Variants in DAPK1 observed in about 807,000 individuals in gnomAD.
The protein encoded by DAPK1 is death-associated protein kinase 1.
DAPK1 carries 56 observed loss-of-function variants against 144.9 expected under a neutral mutation model. The ratio of observed to expected loss-of-function variants is 0.39; its 90% CI spans 0.31 to 0.48. DAPK1 has a LOEUF of 0.48. Among genes scored for constraint, DAPK1 ranks in the 20% least tolerant of loss-of-function variants. The pLI is 0.95. For synonymous variants in DAPK1, 690 were observed against 749.0 expected, an observed-to-expected ratio of 0.92 and a Z score of 1.29; for missense variants, 1,454 against 1,875.4, an observed-to-expected ratio of 0.78 and a Z score of 4.15.
rs879936030 is a variant in DAPK1 at position 87,584,692 on chromosome 9, T to TGTG, written c.63-20262_63-20261insGTG. Among the ~76,000 whole-genome samples the TGTG allele has an allele frequency of 6.9e-3, 754 of 109,062 alleles. 3 individuals carry two copies. Among genetic ancestry groups the TGTG allele is most frequent in the Middle Eastern group, 0.014 (3 of 208 alleles). 71.5% of individuals were successfully genotyped at this position (109,062 alleles called of 152,430 possible). A position where few individuals can be genotyped will look rare whatever the true frequency, so the allele number is the denominator to read the frequency against. On this transcript the variant is annotated intron_variant, in intron 2 of 25. Transcript: ENST00000408954. ...TGTGTGTGTGTGTGTGTGTGTGTGTTTGAGATGGAGTTTCACTCTTGTTGA... is the reference window on the plus strand; with the variant it reads ...TGTGTGTGTGTGTGTGTGTGTGTGTTGTGTGAGATGGAGTTTCACTCTTGTTGA...
intron 2 of DAPK1, among the ~76,000 whole-genome samples, chr9:87,602,556 G>A (rs373421290): frequency 5.3e-5 from 8 of 152,136 alleles, no homozygotes; most frequent in African/African-American, 1.4e-4. Flanking sequence ...GAAAACGCAC[G>A]TGGAACAGTT....
chr9:87,614,305 A>G (rs1323998196), intron 3 of DAPK1, among the ~76,000 whole-genome samples: 4 of 152,352 alleles, frequency 2.6e-5, no homozygotes, highest in African/African-American at 7.2e-5. Flanking sequence ...TTTTTAGGAT[A>G]TAGTCATAAC....
chr9:87,677,093 G>A lies in DAPK1; in HGVS notation c.2002-4311G>A, dbSNP rs1013687402. Among the ~76,000 whole-genome samples, 7 of 152,198 alleles carry A rather than the reference G, an allele frequency of 4.6e-5. No homozygotes were observed. In the South Asian group the frequency reaches 8.3e-4, roughly 18 times the overall value. On this transcript the variant is annotated intron_variant, in intron 19 of 25. Transcript: ENST00000408954. ...GAAGGCATAGCATGAGCTGGAAGGC[G>A]CCGTGCACGTGGAAGTTACTGCTGC...
intron 2 of DAPK1, among the ~76,000 whole-genome samples, chr9:87,500,544 G>A (rs1312505769): frequency 6.6e-6 from 1 of 152,178 alleles, no homozygotes; most frequent in East Asian, 1.9e-4. Flanking sequence ...GATCGTTTAA[G>A]TGTTGTTAGA....
chr9:87,525,424 C>G (rs1289101769), intron 2 of DAPK1: 2 of 1,610,650 alleles, frequency 1.2e-6, no homozygotes, highest in African/African-American at 2.7e-5. Flanking sequence ...ATATGTGCCG[C>G]CAGTGTTTCC....
chr9:87,660,906 G>A (rs953904361), intron 18 of DAPK1, among the ~76,000 whole-genome samples: 1 of 152,144 alleles, frequency 6.6e-6, no homozygotes, highest in South Asian at 2.1e-4. Context: ...ATGCAGTGAG[G>A]CAATCTCGGC....
At chr9:87,687,709 A>C (rs1824913315) in intron 21 of DAPK1, among the ~76,000 whole-genome samples, 1 of 152,174 alleles carries the variant, frequency 6.6e-6, no homozygotes, top group Admixed American at 6.5e-5. Flanking sequence ...CTTTTTGAGA[A>C]ATCTCCATGC....
At chr9:87,562,850 C>G (rs1180828091) in intron 2 of DAPK1, among the ~76,000 whole-genome samples, 8 of 152,324 alleles carry the variant, frequency 5.3e-5, no homozygotes, top group African/African-American at 1.7e-4. Context: ...AGAGCAAAGA[C>G]AATTTGCTTT....
At chr9:87,522,935 G>T (rs1454530473) in intron 2 of DAPK1, among the ~76,000 whole-genome samples, 1 of 152,014 alleles carries the variant, frequency 6.6e-6, no homozygotes, top group East Asian at 1.9e-4. Flanking sequence ...TTTTCTCTAC[G>T]TTTGTAGACT....
At chr9:87,528,675 G>A (rs1177824340) in intron 2 of DAPK1, among the ~76,000 whole-genome samples, 1 of 151,642 alleles carries the variant, frequency 6.6e-6, no homozygotes, top group Non-Finnish European at 1.5e-5. Context: ...CTGAGCTCAG[G>A]CCTGGGCAAC....
In DAPK1 at chr9:87,707,361, G is replaced by T; in HGVS notation, c.4290G>T (p.Arg1430=). 1 of 1,594,274 alleles carries T rather than the reference G, an allele frequency of 6.3e-7. No homozygotes were observed. Among genetic ancestry groups the T allele is most frequent in the Non-Finnish European group, 8.6e-7 (1 of 1,167,258 alleles). ...ATTCCATTAGCTCTGTTGTATCCCG[G>T]TGAGGGCAGCCTCTGGCTTGGGCAG... The part of the protein sequence containing the change: ...SYNSISSVVS[R] The change falls in exon 26 of 26, where the codon CGG becomes CGT. Residue 1430 remains arginine (R), a synonymous_variant. Coordinates refer to ENST00000408954, the MANE Select transcript of DAPK1 (RefSeq NM_004938.4). This position sits in a 1 kb window ranked among gnomAD's most constrained non-coding sequence, Gnocchi z 4.0.
In DAPK1 at chr9:87,686,439, G is replaced by T; in HGVS notation, c.2225-112G>T. ...ACACACTCAGCCTGAAGCCAGAGTT[G>T]GGGTGGGGACAGAGGCGTGCTCCAG... On this transcript the variant is annotated intron_variant, in intron 20 of 25. Coordinates refer to ENST00000408954, the MANE Select transcript of DAPK1 (RefSeq NM_004938.4). This position sits in a 1 kb window ranked among gnomAD's most constrained non-coding sequence, Gnocchi z 4.2. 1.5e-6 allele frequency: 1 copy of T among 648,034 alleles called. No homozygotes were observed. Among genetic ancestry groups the T allele is most frequent in the Non-Finnish European group, 2.8e-6 (1 of 357,504 alleles). 40.1% of individuals were successfully genotyped at this position (648,034 alleles called of 1,614,324 possible). A position where few individuals can be genotyped will look rare whatever the true frequency, so the allele number is the denominator to read the frequency against.
At chr9:87,646,312 C>T in intron 12 of DAPK1, 149 bp from the exon 13 acceptor site, 2 of 659,146 alleles carry the variant, frequency 3.0e-6, no homozygotes, top group Non-Finnish European at 5.2e-6. Context: ...AGGTTTTATA[C>T]CCTTCCACCT....
At chr9:87,563,479 G>C (rs1229657387) in intron 2 of DAPK1, among the ~76,000 whole-genome samples, 2 of 152,192 alleles carry the variant, frequency 1.3e-5, no homozygotes, top group Admixed American at 6.5e-5. Context: ...ATCTTGGCTT[G>C]ACTCCCCGTA....
chr9:87,581,001 C>T lies in DAPK1; in HGVS notation c.63-23953C>T, dbSNP rs141330916. ...TCCATGGGACCACTAAACCCTCTCCCACTCAGCTACAGAGTTAGCAGAATG... is the reference window on the plus strand; with the variant it reads ...TCCATGGGACCACTAAACCCTCTCCTACTCAGCTACAGAGTTAGCAGAATG... On this transcript the variant is annotated intron_variant, in intron 2 of 25. Coordinates refer to ENST00000408954, the MANE Select transcript of DAPK1 (RefSeq NM_004938.4). Among the ~76,000 whole-genome samples the T allele has an allele frequency of 5.3e-4, 81 of 152,344 alleles. No homozygotes were observed. The East Asian group carries it at 0.015, about 28-fold the overall frequency.
rs112724520 is a variant in DAPK1, at chr9:87,639,260, CTTTTTT to C, written c.424-85_424-80del. 19 of 982,972 alleles carry C rather than the reference CTTTTTT, an allele frequency of 1.9e-5. No individual in the cohort carries two copies. The South Asian group carries it at 3.5e-4, about 18-fold the overall frequency. 60.9% of individuals were successfully genotyped at this position (982,972 alleles called of 1,614,324 possible). A position where few individuals can be genotyped will look rare whatever the true frequency, so the allele number is the denominator to read the frequency against. ...CACCCTTTCTTCCCTACTTTTTGGCCTTTTTTTTTTTTTTGGAGAGAAGAACTATTC... is the reference window on the plus strand; with the variant it reads ...CACCCTTTCTTCCCTACTTTTTGGCCTTTTTTTTGGAGAGAAGAACTATTC... On this transcript the variant is annotated intron_variant, in intron 4 of 25. Transcript: ENST00000408954.
intron 3 of DAPK1, among the ~76,000 whole-genome samples, chr9:87,636,003 A>T (rs973124854): frequency 1.3e-5 from 2 of 151,986 alleles, no homozygotes; most frequent in African/African-American, 4.8e-5. Context: ...TAGTTGAAGG[A>T]TTTTCTCTCC....
intron 19 of DAPK1, among the ~76,000 whole-genome samples, chr9:87,673,588 T>C (rs1824255593): frequency 6.6e-6 from 1 of 152,134 alleles, no homozygotes; most frequent in Non-Finnish European, 1.5e-5. Context: ...GCTACAGCTC[T>C]TGGGGAAGAA....
At chr9:87,534,669 G>A (rs182777384) in intron 2 of DAPK1, among the ~76,000 whole-genome samples, 2 of 149,386 alleles carry the variant, frequency 1.3e-5, no homozygotes, top group East Asian at 4.0e-4. Flanking sequence ...TTTTGATACG[G>A]AGTCTCGCTC....
Sources: allele counts gnomAD v4.1 joint callset (sites outside exome capture counted in the v4.1 genomes callset), GRCh38; gene constraint gnomAD v4.1.1; non-coding constraint Gnocchi (gnomAD v3.1); transcripts MANE v1.5; gene names NCBI Gene and HGNC (gene_info 2026-07-23, HGNC 2026-07-21).